SIPA1L2: variants seen among roughly 807,000 people sequenced by gnomAD.
SIPA1L2 encodes signal-induced proliferation-associated 1-like protein 2.
SIPA1L2 carries 56 observed loss-of-function variants against 163.9 expected under a neutral mutation model. The ratio of observed to expected loss-of-function variants is 0.34; its 90% CI spans 0.28 to 0.43. The LOEUF (loss-of-function observed/expected upper bound fraction) is 0.43, where lower values mean the gene tolerates loss of function less well. Ranked by LOEUF, SIPA1L2 falls within the 20% of genes least tolerant of loss-of-function variation. The pLI, the probability that SIPA1L2 is intolerant of heterozygous loss-of-function variation, is 1.00. For synonymous variants in SIPA1L2, 877 were observed against 865.7 expected, an observed-to-expected ratio of 1.01 and a Z score of -0.23; for missense variants, 1,974 against 2,193.5, an observed-to-expected ratio of 0.90 and a Z score of 2.00.
At chr1:232,619,515 T>C (rs1236535858) in intron 1 of SIPA1L2, among the ~76,000 whole-genome samples, 1 of 152,214 alleles carries the variant, frequency 6.6e-6, no homozygotes, top group Non-Finnish European at 1.5e-5. Context: ...CCTCTGATAG[T>C]TCTGAATCAG....
At chr1:232,450,122 A>T (rs10910509) in intron 10 of SIPA1L2, among the ~76,000 whole-genome samples, 45,104 of 151,996 alleles carry the variant, frequency 0.3, 7,303 homozygotes, top group East Asian at 0.57. Context: ...GCATCAGTAA[A>T]GGTTAGTTCT....
At chr1:232,443,370 A>C (rs1017551891) in intron 12 of SIPA1L2, among the ~76,000 whole-genome samples, 1 of 152,116 alleles carries the variant, frequency 6.6e-6, no homozygotes, top group Non-Finnish European at 1.5e-5. Flanking sequence ...TGTTCTGAAA[A>C]CCTTTCCTCA....
At chr1:232,421,541 G>A (rs1022846590) in intron 18 of SIPA1L2, among the ~76,000 whole-genome samples, 2 of 152,128 alleles carry the variant, frequency 1.3e-5, no homozygotes, top group Non-Finnish European at 2.9e-5. Context: ...AAAAGAGAAA[G>A]AAGTATTACA....
chr1:232,582,016 T>C (rs1397266420), intron 1 of SIPA1L2, among the ~76,000 whole-genome samples: 2 of 152,246 alleles, frequency 1.3e-5, no homozygotes, highest in Admixed American at 1.3e-4. Context: ...GATAGATATG[T>C]CTGCAACCTT....
intron 7 of SIPA1L2, among the ~76,000 whole-genome samples, chr1:232,477,774 G>A (rs1056725607): frequency 6.6e-6 from 1 of 152,184 alleles, no homozygotes; most frequent in Non-Finnish European, 1.5e-5. Flanking sequence ...AAAGGGGGTG[G>A]GAAAGCCAGT....
chr1:232,534,083 A>T (rs888307904), intron 2 of SIPA1L2, among the ~76,000 whole-genome samples: 1 of 151,710 alleles, frequency 6.6e-6, no homozygotes, highest in Non-Finnish European at 1.5e-5. Context: ...AATAGCCAAA[A>T]CAATCTTGAA....
intron 2 of SIPA1L2, among the ~76,000 whole-genome samples, chr1:232,540,460 C>T (rs1657585257): frequency 6.6e-6 from 1 of 152,176 alleles, no homozygotes; most frequent in South Asian, 2.1e-4. Flanking sequence ...TTTCGATTCT[C>T]CAACACCCGT....
chr1:232,597,012 C>T (rs1430932699), intron 1 of SIPA1L2, among the ~76,000 whole-genome samples: 4 of 152,194 alleles, frequency 2.6e-5, no homozygotes, highest in Non-Finnish European at 5.9e-5. Flanking sequence ...GGCCTCCAAC[C>T]TTGCCTCTAT....
At chr1:232,503,821 A>C (rs968096463) in intron 3 of SIPA1L2, among the ~76,000 whole-genome samples, 3 of 152,132 alleles carry the variant, frequency 2.0e-5, no homozygotes, top group African/African-American at 7.2e-5. Flanking sequence ...CCAAACAATT[A>C]TGTGTATTTT....
At chr1:232,404,219 T>A in intron 19 of SIPA1L2, 41 bp from the exon 20 acceptor site, 1 of 1,593,452 alleles carries the variant, frequency 6.3e-7, no homozygotes, top group East Asian at 2.2e-5. Flanking sequence ...CAGGAGTATC[T>A]CTCTATACTT....
intron 1 of SIPA1L2, among the ~76,000 whole-genome samples, chr1:232,583,165 A>G (rs1660474077): frequency 6.6e-6 from 1 of 152,134 alleles, no homozygotes; most frequent in Admixed American, 6.5e-5. Context: ...GTGAACACAC[A>G]CCTCTTCCAC....
chr1:232,508,264 C>G (rs771689931), intron 3 of SIPA1L2, among the ~76,000 whole-genome samples: 45 of 152,312 alleles, frequency 3.0e-4, no homozygotes, highest in Admixed American at 6.5e-4. Flanking sequence ...TTTAACCTCT[C>G]TTTACCCAAA....
intron 6 of SIPA1L2, among the ~76,000 whole-genome samples, chr1:232,480,853 G>A (rs1243135390): frequency 2.0e-5 from 3 of 152,020 alleles, no homozygotes; most frequent in Middle Eastern, 3.4e-3. Context: ...TTAAAAACAC[G>A]AAAACATTCA....
At chr1:232,415,928 G>A (rs1352377071) in intron 18 of SIPA1L2, 7 of 236,944 alleles carry the variant, frequency 3.0e-5, no homozygotes, top group South Asian at 1.3e-4. Flanking sequence ...GTCAGAACAC[G>A]GGCACCACTG....
intron 3 of SIPA1L2, among the ~76,000 whole-genome samples, chr1:232,504,212 A>G (rs1445924679): frequency 6.6e-6 from 1 of 151,476 alleles, no homozygotes; most frequent in Non-Finnish European, 1.5e-5. Context: ...AAAACAAAAA[A>G]TAACAACAAC....
At chr1:232,527,055 AG>A (rs1248088922) in intron 2 of SIPA1L2, among the ~76,000 whole-genome samples, 5 of 152,364 alleles carry the variant, frequency 3.3e-5, no homozygotes, top group African/African-American at 1.2e-4. Flanking sequence ...CCACACGGAC[AG>A]ACCAGCAGAA....
chr1:232,502,921 G>C (rs1666552677), intron 3 of SIPA1L2, among the ~76,000 whole-genome samples: 1 of 152,198 alleles, frequency 6.6e-6, no homozygotes, highest in African/African-American at 2.4e-5. Context: ...CCACCAGGAG[G>C]GAAATAGTTG....
intron 10 of SIPA1L2, among the ~76,000 whole-genome samples, chr1:232,448,604 G>A (rs1215453557): frequency 6.6e-6 from 1 of 152,212 alleles, no homozygotes; most frequent in Non-Finnish European, 1.5e-5. Flanking sequence ...GTAAGTTGGA[G>A]GTGAATGGAA....
chr1:232,520,032 G>C (rs1667391870), intron 2 of SIPA1L2, among the ~76,000 whole-genome samples: 2 of 152,174 alleles, frequency 1.3e-5, no homozygotes, highest in South Asian at 4.1e-4. Flanking sequence ...TTTTCTTCCA[G>C]GTAATTTCCT....
Sources: allele counts gnomAD v4.1 joint callset (sites outside exome capture counted in the v4.1 genomes callset), GRCh38; gene constraint gnomAD v4.1.1; transcripts MANE v1.5; gene names NCBI Gene and HGNC (gene_info 2026-07-23, HGNC 2026-07-21).